Variants in SCARB2 observed in about 807,000 individuals in gnomAD.
SCARB2 encodes lysosome membrane protein 2.
A neutral mutation model predicts 58.6 loss-of-function variants in SCARB2; 29 were observed. That is an observed-to-expected ratio of 0.49 (90% CI 0.37 to 0.67). The LOEUF (loss-of-function observed/expected upper bound fraction) is 0.67. Ranked by LOEUF, SCARB2 falls within the 30% of genes least tolerant of loss-of-function variation. The probability of loss-of-function intolerance (pLI) is 0.00; values close to 1 mark genes in which losing one functional copy is unlikely to be tolerated. For missense variants in SCARB2, 488 were observed against 578.5 expected (o/e 0.84, Z 1.60); for synonymous variants, 195 against 210.1 (o/e 0.93, Z 0.62).
intron 7 of SCARB2, among the ~76,000 whole-genome samples, chr4:76,170,528 A>T (rs12651119): frequency 1.4e-4 from 21 of 152,100 alleles, no homozygotes; most frequent in African/African-American, 3.4e-4. Flanking sequence ...TTAAAAAAAA[A>T]TTTTTGGTGG....
At chr4:76,176,343 A>G (rs1200120677) in intron 5 of SCARB2, 94 bp downstream of exon 5, 1 of 829,580 alleles carries the variant, frequency 1.2e-6, no homozygotes, top group Non-Finnish European at 2.0e-6. Context: ...TTCATCCAAA[A>G]AAGGCTAAAC....
upstream of SCARB2, chr4:76,217,496 G>A (rs1485803043): frequency 2.4e-6 from 1 of 412,082 alleles, no homozygotes. Flanking sequence ...TTGTTGAAAA[G>A]AGCTGGCACC....
chr4:76,230,117 G>A (rs932088616), intron 1 of SCARB2, among the ~76,000 whole-genome samples: 1 of 152,116 alleles, frequency 6.6e-6, no homozygotes, highest in Non-Finnish European at 1.5e-5. Flanking sequence ...TTTTGTGATT[G>A]GCTATTGGGA....
chr4:76,227,825 T>A (rs1733424514), intron 1 of SCARB2, among the ~76,000 whole-genome samples: 1 of 152,218 alleles, frequency 6.6e-6, no homozygotes, highest in Non-Finnish European at 1.5e-5. Context: ...AAAGTCTGTT[T>A]TGTCTGATAT....
At chr4:76,174,683 G>A (rs1389737228) in intron 6 of SCARB2, 8 of 290,058 alleles carry the variant, frequency 2.8e-5, no homozygotes, top group South Asian at 6.8e-5. Flanking sequence ...GCCAGGGCAC[G>A]GCAGAGCCAA....
At chr4:76,170,112 G>A (rs961324053) in intron 7 of SCARB2, 127 bp from the exon 8 acceptor site, 5 of 787,644 alleles carry the variant, frequency 6.3e-6, no homozygotes, top group African/African-American at 1.7e-5. Flanking sequence ...AAATTAACTT[G>A]GGTAGGCTAA....
intron 8 of SCARB2, among the ~76,000 whole-genome samples, chr4:76,169,654 G>T (rs554136247): frequency 6.6e-6 from 1 of 152,282 alleles, no homozygotes; most frequent in East Asian, 1.9e-4. Context: ...AGGCAGGTTT[G>T]CTCGTATTTC....
intron 2 of SCARB2, among the ~76,000 whole-genome samples, chr4:76,181,471 T>A (rs1732383422): frequency 1.3e-5 from 2 of 152,216 alleles, no homozygotes; most frequent in South Asian, 4.1e-4. Flanking sequence ...TGAATTTCAA[T>A]TTGTTTACCA....
chr4:76,171,335 G>A (rs1279022416), intron 7 of SCARB2, among the ~76,000 whole-genome samples: 1 of 152,144 alleles, frequency 6.6e-6, no homozygotes, highest in Non-Finnish European at 1.5e-5. Context: ...ACCTCAAGAA[G>A]CTATAACCAC....
upstream of SCARB2, chr4:76,213,916 G>A (rs986487509): frequency 1.8e-5 from 3 of 163,186 alleles, no homozygotes; most frequent in Non-Finnish European, 3.9e-5. Context: ...AGGCGGGCGG[G>A]GGCGGAGGCC....
intron 1 of SCARB2, among the ~76,000 whole-genome samples, chr4:76,205,948 G>A (rs1221542995): frequency 1.3e-5 from 2 of 152,250 alleles, no homozygotes; most frequent in Non-Finnish European, 1.5e-5. Context: ...GGGCGCAAAG[G>A]ACGGTGGGTG....
chr4:76,230,251 T>C (rs1233954452), intron 1 of SCARB2, among the ~76,000 whole-genome samples: 1 of 152,100 alleles, frequency 6.6e-6, no homozygotes, highest in Admixed American at 6.6e-5. Context: ...AATGGGGTTA[T>C]GTTCCAGAGG....
intron 11 of SCARB2, 121 bp downstream of exon 11, chr4:76,163,104 C>T: frequency 7.8e-7 from 1 of 1,274,852 alleles, no homozygotes; most frequent in South Asian, 1.2e-5. Context: ...AATCACTATG[C>T]CCAGCATAAA....
chr4:76,232,343 A>G (rs1733506930), intron 1 of SCARB2, among the ~76,000 whole-genome samples: 3 of 152,202 alleles, frequency 2.0e-5, no homozygotes, highest in Non-Finnish European at 4.4e-5. Context: ...TTCCAATGTC[A>G]CAATCTCCAA....
intron 2 of SCARB2, among the ~76,000 whole-genome samples, chr4:76,187,942 T>TA (rs1732522669): frequency 1.3e-5 from 2 of 152,104 alleles, no homozygotes; most frequent in Non-Finnish European, 2.9e-5. Context: ...ATAAAATAAC[T>TA]TAAGATCTAG....
In SCARB2 at chr4:76,168,457, T is replaced by G; in HGVS notation, c.1133A>C (p.Lys378Thr). The change falls in exon 9 of 12, where the codon AAA (lysine) becomes ACA (threonine). Residue 378 changes from lysine to threonine, a missense_variant. Coordinates refer to ENST00000264896, the MANE Select transcript of SCARB2 (RefSeq NM_005506.4). ...DINPLTGIIL[K>T]AAKRFQINIY... The stretch of plus-strand genomic sequence containing the variant: ...GTTGATTTGGAACCTCTTGGCTGCT[T>G]TTAGGATTATTCCAGTCAACTGCAA... The G allele has an allele frequency of 6.2e-7, 1 of 1,614,072 alleles. No individual in the cohort carries two copies. Among genetic ancestry groups the G allele is most frequent in the Non-Finnish European group, 8.5e-7 (1 of 1,179,966 alleles).
rs977002727 is a variant in SCARB2, at chr4:76,210,934, T to C, written c.117+2493A>G. ...TAGACAAGTCGGGGCATAGACAATC[T>C]TCAAATGAAAAAACAAAGAACTGGA... On this transcript the variant is annotated intron_variant, in intron 1 of 11. Transcript: ENST00000264896. 3.3e-5 allele frequency among the ~76,000 whole-genome samples: 5 copies of C among 152,158 alleles called. No homozygotes were observed. In the East Asian group the frequency reaches 9.6e-4, roughly 29 times the overall value.
In SCARB2 at chr4:76,160,854, A is replaced by G. The variant is rs1731882061; in HGVS notation, c.*859T>C. ...TTGGCAAGGGCGACTCAGGAAGAAA[A>G]ATCAGTTACTCATTACATTCTCTCA... On this transcript the variant is annotated 3_prime_UTR_variant, in exon 12 of 12. Coordinates refer to ENST00000264896, the MANE Select transcript of SCARB2 (RefSeq NM_005506.4). 1 of 152,210 alleles carries G rather than the reference A, an allele frequency of 6.6e-6. No individual in the cohort carries two copies. The highest frequency in any genetic ancestry group is 1.5e-5 in the Non-Finnish European group (1 of 68,038). The allele number at this position is 152,210 out of a possible 1,614,324, so 9.4% of individuals were successfully genotyped here.
At chr4:76,176,007 C>T in intron 5 of SCARB2, 97 bp from the exon 6 acceptor site, 1 of 1,393,090 alleles carries the variant, frequency 7.2e-7, no homozygotes, top group Non-Finnish European at 1.0e-6. Flanking sequence ...CTGGAGCTGT[C>T]TATCCACAGT....
Sources: gnomAD v4.1 joint callset for allele counts (sites outside exome capture counted in the v4.1 genomes callset) on GRCh38, gnomAD v4.1.1 for gene constraint, MANE v1.5 for transcripts, NCBI Gene and HGNC (gene_info 2026-07-23, HGNC 2026-07-21) for gene names.